Variants in SHC4 observed in about 807,000 individuals in gnomAD.
SHC4 encodes the protein SHC-transforming protein 4.
SHC4 carries 41 observed loss-of-function variants against 69.4 expected under a neutral mutation model. The ratio of observed to expected loss-of-function variants is 0.59; its 90% CI spans 0.46 to 0.77. The LOEUF is 0.77. Ranked by LOEUF, SHC4 falls within the 30% of genes least tolerant of loss-of-function variation. SHC4 has a pLI of 0.00. For synonymous variants in SHC4, 318 were observed against 299.3 expected (o/e 1.06, Z -0.64); for missense variants, 777 against 783.8 (o/e 0.99, Z 0.10).
chr15:48,862,196 GT>G (rs377462915), intron 6 of SHC4, among the ~76,000 whole-genome samples: 479 of 146,030 alleles, frequency 3.3e-3, no homozygotes, highest in African/African-American at 9.4e-3. Context: ...TGGTTTTGGG[GT>G]TTTTTTTTTT....
chr15:48,960,368 T>G (rs1901524632), intron 1 of SHC4, among the ~76,000 whole-genome samples: 1 of 152,174 alleles, frequency 6.6e-6, no homozygotes, highest in Non-Finnish European at 1.5e-5. Context: ...GAGCCCAGGT[T>G]TGGAGACTCA....
In SHC4 at chr15:48,884,125, T is replaced by G. The variant is rs539170714; in HGVS notation, c.840+123A>C. On this transcript the variant is annotated intron_variant, in intron 4 of 11. Transcript: ENST00000332408. ...TTGTTATGCATAAATCTTCAGCAGA[T>G]TTTTCCCTTGTGCTGTATTAGGTTG... 1,325 of 1,070,746 alleles carry G rather than the reference T, an allele frequency of 1.2e-3. 4 individuals carry two copies. The highest frequency in any genetic ancestry group is 1.5e-3 in the Non-Finnish European group (1,252 of 820,594). 66.3% of individuals were successfully genotyped at this position (1,070,746 alleles called of 1,614,324 possible).
intron 1 of SHC4, among the ~76,000 whole-genome samples, chr15:48,949,309 T>C (rs1228297640): frequency 1.3e-5 from 2 of 149,848 alleles, no homozygotes; most frequent in East Asian, 2.0e-4. Flanking sequence ...ATGCAGAGCT[T>C]GCAGTGAGCC....
At chr15:48,854,306 G>A (rs1297873770) in intron 8 of SHC4, among the ~76,000 whole-genome samples, 1 of 152,062 alleles carries the variant, frequency 6.6e-6, no homozygotes, top group African/African-American at 2.4e-5. Flanking sequence ...CATTAAAAAG[G>A]CAAAAATACA....
rs929225545 is a variant in SHC4, at chr15:48,918,557, A to C, written c.656+6322T>G. On this transcript the variant is annotated intron_variant, in intron 2 of 11. Transcript: ENST00000332408. The stretch of plus-strand genomic sequence containing the variant: ...TGTTCTTATTAAACATTACTATTGA[A>C]TCGTTTCCATTTTTTCTTTAAATTT... Among the ~76,000 whole-genome samples, 3 of 146,622 alleles carry C rather than the reference A, an allele frequency of 2.0e-5. No individual in the cohort carries two copies. The Admixed American group carries it at 2.1e-4, about 10-fold the overall frequency.
intron 5 of SHC4, among the ~76,000 whole-genome samples, chr15:48,869,852 G>A (rs1309226740): frequency 6.6e-6 from 1 of 152,202 alleles, no homozygotes; most frequent in Non-Finnish European, 1.5e-5. Context: ...TTTCTCACCA[G>A]CTTTAGAGAG....
intron 2 of SHC4, among the ~76,000 whole-genome samples, chr15:48,923,662 G>A (rs1322446490): frequency 1.8e-5 from 2 of 113,462 alleles, no homozygotes; most frequent in Middle Eastern, 5.6e-3. Flanking sequence ...TTTTTTATGA[G>A]TCAGGGTCTT....
chr15:48,919,950 A>T, intron 2 of SHC4, among the ~76,000 whole-genome samples: 1 of 152,078 alleles, frequency 6.6e-6, no homozygotes, highest in East Asian at 1.9e-4. Flanking sequence ...GGAAAAAAAA[A>T]ACAGTTCACC....
rs555432900 is a variant in SHC4 at position 48,951,032 on chromosome 15, C to G, written c.585+11399G>C. Among the ~76,000 whole-genome samples, 6 of 152,224 alleles carry G rather than the reference C, an allele frequency of 3.9e-5. No individual in the cohort carries two copies. In the South Asian group the frequency reaches 1.2e-3, roughly 32 times the overall value. The stretch of plus-strand genomic sequence containing the variant: ...TCCTCATACTGCCCATTCCCTTCCT[C>G]CCCTTTCCATAGAACACCTAAATCC... On this transcript the variant is annotated intron_variant, in intron 1 of 11. Coordinates refer to ENST00000332408, the MANE Select transcript of SHC4 (RefSeq NM_203349.4).
At chr15:48,884,529 C>CT (rs113724764) in intron 3 of SHC4, among the ~76,000 whole-genome samples, 162 bp from the exon 4 acceptor site, 23,073 of 151,812 alleles carry the variant, frequency 0.15, 2,027 homozygotes, top group East Asian at 0.28. Flanking sequence ...ATTAAATAAA[C>CT]TTTTTTTTAA....
intron 1 of SHC4, among the ~76,000 whole-genome samples, chr15:48,949,299 A>T (rs1305685399): frequency 1.3e-5 from 2 of 150,914 alleles, no homozygotes; most frequent in Non-Finnish European, 3.0e-5. Flanking sequence ...TTAATCCAGG[A>T]TGCAGAGCTT....
chr15:48,858,059 G>A (rs1258823256), intron 6 of SHC4, among the ~76,000 whole-genome samples: 1 of 152,128 alleles, frequency 6.6e-6, no homozygotes, highest in Non-Finnish European at 1.5e-5. Flanking sequence ...TCAAGGCAGG[G>A]ATTTGGGGGC....
intron 4 of SHC4, among the ~76,000 whole-genome samples, chr15:48,883,267 T>C (rs1899976748): frequency 1.3e-5 from 2 of 152,158 alleles, no homozygotes; most frequent in African/African-American, 2.4e-5. Flanking sequence ...AACAGCCCTA[T>C]GAGACACTTA....
chr15:48,878,194 G>A (rs1463034071), intron 4 of SHC4: 1 of 1,562,532 alleles, frequency 6.4e-7, no homozygotes. Context: ...AAATGGCTGA[G>A]TTGTCCGAGC....
intron 1 of SHC4, among the ~76,000 whole-genome samples, chr15:48,960,270 G>A (rs937607107): frequency 1.3e-5 from 2 of 152,166 alleles, no homozygotes; most frequent in Non-Finnish European, 2.9e-5. Context: ...AGGTGTGTGG[G>A]TATGGGGAGG....
At chr15:48,888,591 A>G (rs1900078932) in intron 3 of SHC4, among the ~76,000 whole-genome samples, 1 of 152,192 alleles carries the variant, frequency 6.6e-6, no homozygotes. Context: ...TGAACTGTAC[A>G]CTTAAAAAGG....
At chr15:48,878,488 C>G in intron 4 of SHC4, 1 of 1,613,974 alleles carries the variant, frequency 6.2e-7, no homozygotes, top group Non-Finnish European at 8.5e-7. Flanking sequence ...AATTTGATGA[C>G]TGGGAGGACG....
At chr15:48,898,688 C>G (rs148633299) in intron 2 of SHC4, among the ~76,000 whole-genome samples, 3 of 152,168 alleles carry the variant, frequency 2.0e-5, no homozygotes, top group Non-Finnish European at 2.9e-5. Flanking sequence ...AGTATCACAT[C>G]TCCCCTATAA....
rs1397607837 is a variant in SHC4 at position 48,856,110 on chromosome 15, A to G, written c.1085T>C (p.Ile362Thr). The change falls in exon 8 of 12, where the codon ATT (isoleucine) becomes ACT (threonine). Residue 362 changes from isoleucine to threonine, a missense_variant. Ile to Thr is a moderately conservative substitution (Grantham distance 89, BLOSUM62 -1). Coordinates refer to ENST00000332408, the MANE Select transcript of SHC4 (RefSeq NM_203349.4). ...TTCTCTCTCCTCGGCATGGCTATCA[A>G]TATGCACCTCCTCACTGTGAAGGAA... ...NTSCESEEVHIDSHAEEREDH... is the reference protein window; with the variant it reads ...NTSCESEEVHTDSHAEEREDH... The G allele has an allele frequency of 1.9e-6, 3 of 1,613,232 alleles. No individual in the cohort carries two copies. Among genetic ancestry groups the G allele is most frequent in the Admixed American group, 1.7e-5 (1 of 59,924 alleles).
Sources: gnomAD v4.1 joint callset for allele counts (sites outside exome capture counted in the v4.1 genomes callset) on GRCh38, gnomAD v4.1.1 for gene constraint, MANE v1.5 for transcripts, NCBI Gene and HGNC (gene_info 2026-07-23, HGNC 2026-07-21) for gene names.